Variants in LNP1 observed in about 807,000 individuals in gnomAD.
The protein encoded by LNP1 is leukemia NUP98 fusion partner 1.
A neutral mutation model predicts 14.5 loss-of-function variants in LNP1; 12 were observed. The ratio of observed to expected loss-of-function variants is 0.83; its 90% CI spans 0.53 to 1.34. The LOEUF is 1.34. Among genes scored for constraint, LNP1 ranks in the 40% most tolerant of loss-of-function variants. The pLI is 0.00. For missense variants in LNP1, 198 were observed against 210.9 expected, an observed-to-expected ratio of 0.94 and a Z score of 0.38; for synonymous variants, 75 against 71.4, an observed-to-expected ratio of 1.05 and a Z score of -0.26.
intron 2 of LNP1, among the ~76,000 whole-genome samples, chr3:100,447,249 C>A (rs1381991560): frequency 6.6e-6 from 1 of 152,210 alleles, no homozygotes; most frequent in Non-Finnish European, 1.5e-5. Flanking sequence ...CACATATACA[C>A]AATGGAATAC....
chr3:100,446,278 G>T (rs149032530), intron 2 of LNP1, among the ~76,000 whole-genome samples: 1 of 152,006 alleles, frequency 6.6e-6, no homozygotes, highest in Non-Finnish European at 1.5e-5. Flanking sequence ...CAGAACAGAG[G>T]CCTCCGAAAT....
intron 2 of LNP1, among the ~76,000 whole-genome samples, chr3:100,445,276 A>G (rs1160801992): frequency 6.6e-6 from 1 of 152,222 alleles, no homozygotes; most frequent in Non-Finnish European, 1.5e-5. Flanking sequence ...CTCTCAAAAA[A>G]AGTATAGAGA....
intron 1 of LNP1, among the ~76,000 whole-genome samples, chr3:100,429,196 T>C (rs552671110): frequency 1.3e-5 from 2 of 152,222 alleles, no homozygotes; most frequent in Non-Finnish European, 2.9e-5. Context: ...ATCAATATCA[T>C]TTTATTAGGA....
At chr3:100,404,791 C>CT (rs5851207) in intron 1 of LNP1, among the ~76,000 whole-genome samples, 38,669 of 131,038 alleles carry the variant, frequency 0.3, 6,398 homozygotes, top group African/African-American at 0.42. Flanking sequence ...TTGTGTTATC[C>CT]TTTTTTTTTT....
intron 1 of LNP1, among the ~76,000 whole-genome samples, chr3:100,419,494 T>TTGTGTGTGTGTG (rs913776307): frequency 6.6e-6 from 1 of 151,274 alleles, no homozygotes; most frequent in African/African-American, 2.4e-5. Flanking sequence ...ACACACTCAT[T>TTGTGTGTGTGTG]TGTGTGTGTG....
chr3:100,431,705 A>T (rs975605535), intron 2 of LNP1, among the ~76,000 whole-genome samples: 1 of 151,306 alleles, frequency 6.6e-6, no homozygotes, highest in Admixed American at 6.6e-5. Flanking sequence ...AAATATTCTT[A>T]CTTTTGGCGT....
At chr3:100,448,146 T>C (rs1707405927) in intron 2 of LNP1, among the ~76,000 whole-genome samples, 1 of 152,202 alleles carries the variant, frequency 6.6e-6, no homozygotes, top group African/African-American at 2.4e-5. Flanking sequence ...GGAACCACCA[T>C]TGTAAGATTA....
intron 2 of LNP1, among the ~76,000 whole-genome samples, chr3:100,442,966 A>G (rs552525113): frequency 6.6e-6 from 1 of 152,294 alleles, no homozygotes; most frequent in South Asian, 2.1e-4. Context: ...GAAGGAAGAA[A>G]AACAACAACA....
intron 1 of LNP1, among the ~76,000 whole-genome samples, chr3:100,404,327 C>G (rs972108060): frequency 6.6e-6 from 1 of 152,178 alleles, no homozygotes; most frequent in Non-Finnish European, 1.5e-5. Flanking sequence ...TGACCAAACT[C>G]TAGATCAGTG....
chr3:100,422,442 CA>C (rs535765954), intron 1 of LNP1, among the ~76,000 whole-genome samples: 4 of 152,070 alleles, frequency 2.6e-5, no homozygotes, highest in African/African-American at 7.2e-5. Context: ...CTCAGCCTCC[CA>C]AAAAGTTTTT....
At chr3:100,408,647 C>T (rs1444681912) in intron 1 of LNP1, among the ~76,000 whole-genome samples, 1 of 152,202 alleles carries the variant, frequency 6.6e-6, no homozygotes, top group Admixed American at 6.5e-5. Context: ...GGTCTAGAGT[C>T]TCAGTCTGCA....
At chr3:100,406,113 CT>C (rs1373201269) in intron 1 of LNP1, among the ~76,000 whole-genome samples, 1 of 152,124 alleles carries the variant, frequency 6.6e-6, no homozygotes, top group African/African-American at 2.4e-5. Flanking sequence ...TGGTGAAACC[CT>C]GTCTCTACTA....
chr3:100,441,358 G>A (rs1168831406), intron 2 of LNP1, among the ~76,000 whole-genome samples: 1 of 152,174 alleles, frequency 6.6e-6, no homozygotes. Flanking sequence ...ACTGGAGTGA[G>A]TTGAGTGAGT....
At chr3:100,421,685 TACCCACTTGTAAAAA>T (rs1707144753) in intron 1 of LNP1, among the ~76,000 whole-genome samples, 1 of 152,222 alleles carries the variant, frequency 6.6e-6, no homozygotes, top group African/African-American at 2.4e-5. Context: ...TACCTCTTAC[TACCCACTTGTAAAAA>T]AGAGAGAAAT....
chr3:100,424,100 G>C (rs145743821), intron 1 of LNP1, among the ~76,000 whole-genome samples: 1 of 152,236 alleles, frequency 6.6e-6, no homozygotes, highest in East Asian at 1.9e-4. Flanking sequence ...GAAGAAATAG[G>C]CTTAACTAGG....
At chr3:100,426,933 A>G (rs561017228) in intron 1 of LNP1, among the ~76,000 whole-genome samples, 2 of 152,184 alleles carry the variant, frequency 1.3e-5, no homozygotes, top group Non-Finnish European at 2.9e-5. Flanking sequence ...CAGGTGCTAT[A>G]GACACAGAAT....
At chr3:100,410,674 G>A (rs182482339) in intron 1 of LNP1, among the ~76,000 whole-genome samples, 2 of 152,304 alleles carry the variant, frequency 1.3e-5, no homozygotes, top group East Asian at 1.9e-4. Flanking sequence ...ATAGAGATGG[G>A]ATTTTACCAG....
rs74338731 is a variant in LNP1, at chr3:100,403,220, T to C, written c.-34+781T>C. 8.2e-4 allele frequency among the ~76,000 whole-genome samples: 125 copies of C among 152,356 alleles called. 2 individuals carry two copies. In the East Asian group the frequency reaches 0.021, roughly 25 times the overall value. Reference sequence around the variant, plus strand: ...AATTAGAGAATATTTAAAGTTCTTTTGATGTTTGTTACAAAGCAATAGATA... The same window carrying C: ...AATTAGAGAATATTTAAAGTTCTTTCGATGTTTGTTACAAAGCAATAGATA... On this transcript the variant is annotated intron_variant, in intron 1 of 3. Transcript: ENST00000383693.
intron 1 of LNP1, among the ~76,000 whole-genome samples, chr3:100,421,585 A>G (rs1197139349): frequency 6.6e-6 from 1 of 152,142 alleles, no homozygotes; most frequent in Non-Finnish European, 1.5e-5. Context: ...TATTAGCCTG[A>G]TCTCCAGTTG....
Sources: gnomAD v4.1 joint callset for allele counts (sites outside exome capture counted in the v4.1 genomes callset) on GRCh38, gnomAD v4.1.1 for gene constraint, MANE v1.5 for transcripts, NCBI Gene and HGNC (gene_info 2026-07-23, HGNC 2026-07-21) for gene names.